The following SLC36A2 variants were observed in gnomAD, a reference collection of about 807,000 sequenced individuals.
SLC36A2 encodes proton-coupled amino acid transporter 2.
SLC36A2 carries 39 observed loss-of-function variants against 42.7 expected under a neutral mutation model. The observed-to-expected ratio is 0.91, with a 90% confidence interval of 0.71 to 1.19. SLC36A2 has a LOEUF of 1.19. Among genes scored for constraint, SLC36A2 ranks in the 50% most tolerant of loss-of-function variants. The pLI is 0.00. For synonymous variants in SLC36A2, 237 were observed against 240.8 expected (o/e 0.98, Z 0.15); for missense variants, 590 against 613.7 (o/e 0.96, Z 0.41).
intron 9 of SLC36A2, among the ~76,000 whole-genome samples, chr5:151,321,428 C>T (rs1755685356): frequency 6.6e-6 from 1 of 151,658 alleles, no homozygotes; most frequent in South Asian, 2.1e-4. Flanking sequence ...AAGCAATCCG[C>T]CTGCCTTGAC....
chr5:151,333,367 A>G, intron 6 of SLC36A2, 45 bp from the exon 7 acceptor site: 1 of 1,495,940 alleles, frequency 6.7e-7, no homozygotes, highest in Non-Finnish European at 9.3e-7. Context: ...CTTAAAGCAC[A>G]TTTGAGCTCC....
intron 9 of SLC36A2, among the ~76,000 whole-genome samples, chr5:151,320,525 C>G (rs920576032): frequency 3.3e-5 from 5 of 149,426 alleles, no homozygotes; most frequent in Admixed American, 6.6e-5. Flanking sequence ...CAAAAGGCAT[C>G]TTAGGGACAG....
At chr5:151,330,050 A>G (rs78736052) in intron 7 of SLC36A2, among the ~76,000 whole-genome samples, 1 of 152,114 alleles carries the variant, frequency 6.6e-6, no homozygotes, top group East Asian at 1.9e-4. Flanking sequence ...CCTGGAACCA[A>G]TGTCCTATAT....
At chr5:151,334,243 T>C (rs901986176) in intron 6 of SLC36A2, among the ~76,000 whole-genome samples, 1 of 152,234 alleles carries the variant, frequency 6.6e-6, no homozygotes, top group Admixed American at 6.5e-5. Context: ...TCTGCAGTTA[T>C]TCTAAAATGT....
chr5:151,323,745 A>G (rs1755767701), intron 8 of SLC36A2, among the ~76,000 whole-genome samples: 3 of 152,190 alleles, frequency 2.0e-5, no homozygotes, highest in Non-Finnish European at 4.4e-5. Context: ...GTTTGTGTAC[A>G]TACACTATCT....
chr5:151,340,167 G>GAAA (rs1756287368), intron 4 of SLC36A2, among the ~76,000 whole-genome samples: 1 of 112,394 alleles, frequency 8.9e-6, no homozygotes, highest in African/African-American at 7.9e-5. Flanking sequence ...AGGAAGAAGA[G>GAAA]GAAGGAGGAG....
chr5:151,340,632 A>C (rs182811868), intron 4 of SLC36A2, among the ~76,000 whole-genome samples: 327 of 152,332 alleles, frequency 2.1e-3, no homozygotes, highest in Non-Finnish European at 3.8e-3. Flanking sequence ...ATAGTAGCCA[A>C]GTGAGGAGAG....
intron 9 of SLC36A2, among the ~76,000 whole-genome samples, chr5:151,321,321 A>G (rs1470509726): frequency 6.8e-6 from 1 of 147,624 alleles, no homozygotes; most frequent in Non-Finnish European, 1.5e-5. Flanking sequence ...TGGGGCACCC[A>G]TGCCTGGCTA....
intron 7 of SLC36A2, among the ~76,000 whole-genome samples, chr5:151,325,979 T>G (rs1174229357): frequency 1.3e-5 from 2 of 152,182 alleles, no homozygotes; most frequent in East Asian, 3.8e-4. Context: ...TTAATATGTA[T>G]GTATACTTGA....
rs560566681 is a variant in SLC36A2 at position 151,342,486 on chromosome 5, C to T, written c.440+402G>A. Among the ~76,000 whole-genome samples the T allele has an allele frequency of 2.0e-4, 31 of 152,284 alleles. No homozygotes were observed. The South Asian group carries it at 3.1e-3, about 15-fold the overall frequency. ...CTAACCTGCCTGGTGGCAACCAGCC[C>T]TTCTTTCCTTCATCGTACATATCCA... On this transcript the variant is annotated intron_variant, in intron 4 of 9. Transcript: ENST00000335244.
intron 7 of SLC36A2, among the ~76,000 whole-genome samples, chr5:151,331,175 A>G (rs1261067988): frequency 6.6e-6 from 1 of 152,250 alleles, no homozygotes; most frequent in African/African-American, 2.4e-5. Flanking sequence ...CTCATACCAC[A>G]TACAAAAATT....
intron 7 of SLC36A2, among the ~76,000 whole-genome samples, chr5:151,326,648 T>C (rs1448173022): frequency 6.6e-6 from 1 of 152,110 alleles, no homozygotes; most frequent in Non-Finnish European, 1.5e-5. Context: ...TTGAAACCAA[T>C]CTTCCTGTCT....
chr5:151,342,602 T>G (rs1366513631), intron 4 of SLC36A2, among the ~76,000 whole-genome samples: 2 of 152,230 alleles, frequency 1.3e-5, no homozygotes, highest in East Asian at 3.8e-4. Context: ...CTTGTTCTTC[T>G]CAGTCCCCAT....
At chr5:151,345,992 A>C (rs1756481648) in intron 1 of SLC36A2, among the ~76,000 whole-genome samples, 1 of 152,226 alleles carries the variant, frequency 6.6e-6, no homozygotes, top group African/African-American at 2.4e-5. Flanking sequence ...TAAGCAGCTA[A>C]GTGGGAATTC....
At chr5:151,338,216 G>A (rs189165062) in intron 5 of SLC36A2, among the ~76,000 whole-genome samples, 31 of 152,246 alleles carry the variant, frequency 2.0e-4, no homozygotes, top group Middle Eastern at 3.4e-3. Context: ...TGGTATTACT[G>A]CTATAAGCAG....
intron 9 of SLC36A2, chr5:151,319,130 A>G (rs1755608221): frequency 1.0e-6 from 1 of 974,492 alleles, no homozygotes; most frequent in African/African-American, 1.8e-5. Context: ...TAGGACATAA[A>G]AGTCTTCAAT....
In SLC36A2 at chr5:151,325,338, G is replaced by T. The variant is rs141645834; in HGVS notation, c.958C>A (p.Arg320=). ...YIGMAALGYL[R]FGDDIKASIS... ...CTGGCCTTGATGTCATCTCCAAACCGCAGGTAGCCCAGAGCCGCCATGCCA... is the reference window on the plus strand; with the variant it reads ...CTGGCCTTGATGTCATCTCCAAACCTCAGGTAGCCCAGAGCCGCCATGCCA... The change falls in exon 8 of 10, where the codon CGG becomes AGG. Residue 320 remains arginine, a synonymous_variant. Coordinates refer to ENST00000335244, the MANE Select transcript of SLC36A2 (RefSeq NM_181776.3). 40 of 1,613,958 alleles carry T rather than the reference G, an allele frequency of 2.5e-5. No individual in the cohort carries two copies. Among genetic ancestry groups the T allele is most frequent in the Non-Finnish European group, 3.4e-5 (40 of 1,179,976 alleles).
chr5:151,347,037 C>G (rs975168438), intron 1 of SLC36A2, among the ~76,000 whole-genome samples: 1 of 152,208 alleles, frequency 6.6e-6, no homozygotes, highest in Non-Finnish European at 1.5e-5. Flanking sequence ...CTGCCAATGA[C>G]TCAGTATGTG....
At position 151,315,327 on chromosome 5, in the gene SLC36A2, G is replaced by A. The variant is rs897548956; in HGVS notation, c.*1490C>T. 4 of 152,526 alleles carry A rather than the reference G, an allele frequency of 2.6e-5. No homozygotes were observed. The highest frequency in any genetic ancestry group is 7.2e-5 in the African/African-American group (3 of 41,426). 9.4% of individuals were successfully genotyped at this position (152,526 alleles called of 1,614,324 possible). ...TGGCCAAAGCAAGTTACAAGGCCAA[G>A]ATCAAATTTAAAGGGGAGAGGCTGG... On this transcript the variant is annotated 3_prime_UTR_variant, in exon 10 of 10. Transcript: ENST00000335244.
Sources: gnomAD v4.1 joint callset for allele counts (sites outside exome capture counted in the v4.1 genomes callset) on GRCh38, gnomAD v4.1.1 for gene constraint, MANE v1.5 for transcripts, NCBI Gene and HGNC (gene_info 2026-07-23, HGNC 2026-07-21) for gene names.